Variants in DAPP1 observed in about 807,000 individuals in gnomAD.
The protein encoded by DAPP1 is dual adapter for phosphotyrosine and 3-phosphotyrosine and 3-phosphoinositide.
A neutral mutation model predicts 41.5 loss-of-function variants in DAPP1; 20 were observed. The observed-to-expected ratio is 0.48, with a 90% CI of 0.34 to 0.70. The LOEUF (loss-of-function observed/expected upper bound fraction) is 0.70, where lower values mean the gene tolerates loss of function less well. DAPP1 is among the 30% of genes least tolerant of loss of function. DAPP1 has a pLI of 0.01. For missense variants in DAPP1, 233 were observed against 333.4 expected, an observed-to-expected ratio of 0.70 and a Z score of 2.35; for synonymous variants, 113 against 116.2, an observed-to-expected ratio of 0.97 and a Z score of 0.18.
rs142353828 is a variant in DAPP1, at chr4:99,839,040, G to A, written c.225-1249G>A. Among the ~76,000 whole-genome samples, 47 of 152,258 alleles carry A rather than the reference G, an allele frequency of 3.1e-4. No individual in the cohort carries two copies. In the East Asian group the frequency reaches 6.8e-3, roughly 22 times the overall value. On this transcript the variant is annotated intron_variant, in intron 2 of 8. Transcript: ENST00000512369. The stretch of plus-strand genomic sequence containing the variant: ...GGAAAAAGGAACAGTATGAACTAAG[G>A]GACAGAAGTGGAAACTCCTTGAAGA...
intron 8 of DAPP1, chr4:99,866,539 A>G (rs754911739): frequency 1.3e-6 from 1 of 765,612 alleles, no homozygotes; most frequent in Non-Finnish European, 2.4e-6. Flanking sequence ...TTTCCAATGT[A>G]AGCATCACTT....
At chr4:99,850,784 C>T (rs1723828025) in intron 3 of DAPP1, among the ~76,000 whole-genome samples, 1 of 152,150 alleles carries the variant, frequency 6.6e-6, no homozygotes. Context: ...CCCAAAGATG[C>T]AATCATTCAA....
chr4:99,823,906 T>C (rs1315649102), intron 1 of DAPP1, among the ~76,000 whole-genome samples: 1 of 152,204 alleles, frequency 6.6e-6, no homozygotes, highest in Non-Finnish European at 1.5e-5. Context: ...AAGCGACTCA[T>C]GTCCAAACAA....
intron 3 of DAPP1, among the ~76,000 whole-genome samples, chr4:99,846,754 G>A (rs933838983): frequency 6.6e-6 from 1 of 152,146 alleles, no homozygotes; most frequent in African/African-American, 2.4e-5. Context: ...ACTTGACTTG[G>A]ATATTTGAAC....
intron 1 of DAPP1, among the ~76,000 whole-genome samples, chr4:99,826,523 A>G (rs138144996): frequency 2.6e-5 from 4 of 152,316 alleles, no homozygotes; most frequent in African/African-American, 9.6e-5. Flanking sequence ...TATGTGAATA[A>G]TCTGTAGACA....
intron 1 of DAPP1, among the ~76,000 whole-genome samples, chr4:99,819,367 C>A (rs1420036289): frequency 6.6e-6 from 1 of 152,178 alleles, no homozygotes; most frequent in East Asian, 1.9e-4. Flanking sequence ...TAAATACTCC[C>A]ACTATAGACA....
intron 3 of DAPP1, among the ~76,000 whole-genome samples, chr4:99,843,422 C>A (rs1383248848): frequency 6.6e-6 from 1 of 152,118 alleles, no homozygotes; most frequent in Non-Finnish European, 1.5e-5. Context: ...CTACTCTTTA[C>A]ACTTTTAGGA....
chr4:99,824,796 C>T (rs756685657), intron 1 of DAPP1, among the ~76,000 whole-genome samples: 4 of 152,146 alleles, frequency 2.6e-5, no homozygotes, highest in Non-Finnish European at 4.4e-5. Flanking sequence ...TCATTCTAGG[C>T]CTTTTCAAGG....
At chr4:99,835,349 A>G (rs544110595) in intron 1 of DAPP1, among the ~76,000 whole-genome samples, 1 of 152,238 alleles carries the variant, frequency 6.6e-6, no homozygotes, top group East Asian at 1.9e-4. Flanking sequence ...GTCTCCAAAC[A>G]AGGTCACATT....
chr4:99,866,886 C>T (rs1253391201), intron 8 of DAPP1, among the ~76,000 whole-genome samples: 2 of 149,198 alleles, frequency 1.3e-5, no homozygotes, highest in Non-Finnish European at 3.0e-5. Flanking sequence ...TTTCATGTCT[C>T]AGCCTCCCGA....
chr4:99,816,938 G>A lies in DAPP1; in HGVS notation c.25G>A (p.Gly9Arg). 1.2e-6 allele frequency: 2 copies of A among 1,608,988 alleles called. No homozygotes were observed. The highest frequency in any genetic ancestry group is 1.7e-6 in the Non-Finnish European group (2 of 1,177,808). MGRAELLE[G>R]KMSTQDPSDL... ...AATGGGCAGAGCAGAACTTCTAGAA[G>A]GGAAGATGAGCACCCAGGATCCCTC... Residue 9 changes from glycine to arginine, a missense_variant, in exon 1 of 9, where the codon GGG (glycine) becomes AGG (arginine). Coordinates refer to ENST00000512369, the MANE Select transcript of DAPP1 (RefSeq NM_014395.3).
chr4:99,831,461 T>C (rs1319300240), intron 1 of DAPP1, among the ~76,000 whole-genome samples: 2 of 152,234 alleles, frequency 1.3e-5, no homozygotes, highest in South Asian at 2.1e-4. Context: ...CAAACACTTT[T>C]GGTTAACTTT....
At chr4:99,872,277 G>T (rs1159933436), downstream of DAPP1, among the ~76,000 whole-genome samples, 1 of 152,128 alleles carries the variant, frequency 6.6e-6, no homozygotes, top group African/African-American at 2.4e-5. Context: ...AGATATTGCA[G>T]GTTTGGATCC....
intron 1 of DAPP1, among the ~76,000 whole-genome samples, chr4:99,835,175 A>AT (rs1436607889): frequency 6.6e-6 from 1 of 151,912 alleles, no homozygotes; most frequent in Non-Finnish European, 1.5e-5. Context: ...TGCCAGGCTA[A>AT]TTTTTGTGTT....
chr4:99,838,594 A>G (rs1315308513), intron 2 of DAPP1, among the ~76,000 whole-genome samples: 1 of 152,044 alleles, frequency 6.6e-6, no homozygotes, highest in Non-Finnish European at 1.5e-5. Flanking sequence ...GCAGTTCCCA[A>G]TAGGGTTCAG....
chr4:99,818,975 A>G (rs1332741944), intron 1 of DAPP1, among the ~76,000 whole-genome samples: 1 of 152,198 alleles, frequency 6.6e-6, no homozygotes, highest in Admixed American at 6.5e-5. Context: ...TAGAATATGT[A>G]TCTACCAAAT....
intron 4 of DAPP1, among the ~76,000 whole-genome samples, chr4:99,859,571 C>T (rs1724166528): frequency 6.6e-6 from 1 of 152,192 alleles, no homozygotes; most frequent in South Asian, 2.1e-4. Flanking sequence ...TTTCCCTTCT[C>T]CCACAGTGAG....
At chr4:99,849,323 G>A (rs1329268684) in intron 3 of DAPP1, among the ~76,000 whole-genome samples, 1 of 152,186 alleles carries the variant, frequency 6.6e-6, no homozygotes, top group Non-Finnish European at 1.5e-5. Flanking sequence ...TGTGGACCTG[G>A]GAGGCTGGTT....
At chr4:99,823,080 G>T (rs959744902) in intron 1 of DAPP1, among the ~76,000 whole-genome samples, 3 of 152,150 alleles carry the variant, frequency 2.0e-5, no homozygotes, top group Non-Finnish European at 4.4e-5. Context: ...TTATGTAAAA[G>T]AATGTCACTT....
Sources: gnomAD v4.1 joint callset for allele counts (sites outside exome capture counted in the v4.1 genomes callset) on GRCh38, gnomAD v4.1.1 for gene constraint, MANE v1.5 for transcripts, NCBI Gene and HGNC (gene_info 2026-07-23, HGNC 2026-07-21) for gene names.